FBXO28: variants seen among roughly 807,000 people sequenced by gnomAD.
FBXO28 encodes F-box only protein 28.
In FBXO28, 8 loss-of-function variants were observed where a neutral mutation model predicts 38.1. The ratio of observed to expected loss-of-function variants is 0.21; its 90% CI spans 0.12 to 0.38. The LOEUF is 0.38. Ranked by LOEUF, FBXO28 falls within the 10% of genes least tolerant of loss-of-function variation. The probability of loss-of-function intolerance (pLI) is 1.00; values close to 1 mark genes in which losing one functional copy is unlikely to be tolerated. For synonymous variants in FBXO28, 168 were observed against 173.8 expected (o/e 0.97, Z 0.26); for missense variants, 345 against 460.6 (o/e 0.75, Z 2.30).
chr1:224,130,377 T>C, intron 1 of FBXO28, 95 bp from the exon 2 acceptor site: 1 of 766,412 alleles, frequency 1.3e-6, no homozygotes, highest in Non-Finnish European at 2.2e-6. Context: ...TGAGGAATAA[T>C]AGTGGGATAC....
Position 224,129,833 on chromosome 1 carries a change from C to CA in FBXO28, c.268-632dup, listed in dbSNP as rs1280599927. 3.3e-5 allele frequency among the ~76,000 whole-genome samples: 5 copies of CA among 151,982 alleles called. No individual in the cohort carries two copies. In the South Asian group the frequency reaches 1.0e-3, roughly 32 times the overall value. ...TGAAACCCCGTCTCTACTAAAAATA[C>CA]AAAAAAATTAGCCGGGCGTGGTGGC... On this transcript the variant is annotated intron_variant, in intron 1 of 4. Coordinates refer to ENST00000366862, the MANE Select transcript of FBXO28 (RefSeq NM_015176.4).
chr1:224,143,695 G>A (rs1049144761), intron 3 of FBXO28, among the ~76,000 whole-genome samples: 1 of 152,138 alleles, frequency 6.6e-6, no homozygotes, highest in East Asian at 1.9e-4. Context: ...AATTAGCCAG[G>A]CGTGATGGCG....
chr1:224,117,860 T>C (rs1656677495), intron 1 of FBXO28, among the ~76,000 whole-genome samples: 3 of 151,844 alleles, frequency 2.0e-5, no homozygotes, highest in Admixed American at 2.0e-4. Context: ...ATATAAAAAA[T>C]TAGCCAGGCG....
chr1:224,148,073 A>G (rs941936379), intron 3 of FBXO28, among the ~76,000 whole-genome samples: 3 of 152,188 alleles, frequency 2.0e-5, no homozygotes, highest in Non-Finnish European at 2.9e-5. Flanking sequence ...CATTTGACTA[A>G]AATAATCTCT....
chr1:224,127,212 A>G (rs897342505), intron 1 of FBXO28, among the ~76,000 whole-genome samples: 39 of 140,822 alleles, frequency 2.8e-4, no homozygotes, highest in African/African-American at 8.8e-4. Context: ...GTGTGTGTTT[A>G]TGTTTGGCAC....
At chr1:224,136,276 C>A (rs549575089) in intron 3 of FBXO28, among the ~76,000 whole-genome samples, 1 of 151,790 alleles carries the variant, frequency 6.6e-6, no homozygotes, top group Admixed American at 6.6e-5. Context: ...CACATCCTGT[C>A]TGCAAAATAT....
At chr1:224,119,291 G>T (rs1210742185) in intron 1 of FBXO28, among the ~76,000 whole-genome samples, 1 of 150,654 alleles carries the variant, frequency 6.6e-6, no homozygotes, top group Non-Finnish European at 1.5e-5. Context: ...CTGCCACCAC[G>T]CCCGGCTAAT....
At chr1:224,154,670 C>T (rs1453820728) in intron 4 of FBXO28, among the ~76,000 whole-genome samples, 2 of 151,942 alleles carry the variant, frequency 1.3e-5, no homozygotes, top group African/African-American at 4.8e-5. Flanking sequence ...TAGCTGGGCG[C>T]GGTGGTGGGT....
At chr1:224,130,741 C>T (rs867455854) in intron 2 of FBXO28, 160 bp downstream of exon 2, 9 of 512,624 alleles carry the variant, frequency 1.8e-5, no homozygotes, top group Admixed American at 7.0e-5. Flanking sequence ...CCATTCTCAC[C>T]GTTTGTGATC....
chr1:224,129,864 C>T (rs886851246), intron 1 of FBXO28, among the ~76,000 whole-genome samples: 3 of 152,174 alleles, frequency 2.0e-5, no homozygotes, highest in Non-Finnish European at 4.4e-5. Flanking sequence ...GTGGCGGGCA[C>T]CTGTAGTGCC....
chr1:224,146,066 C>CA (rs577982501), intron 3 of FBXO28, among the ~76,000 whole-genome samples: 3,559 of 106,356 alleles, frequency 0.033, 128 homozygotes, highest in African/African-American at 0.093. Flanking sequence ...AACTCCTTCT[C>CA]AAAAAAAAAA....
intron 3 of FBXO28, among the ~76,000 whole-genome samples, chr1:224,152,925 CAAAAAAA>C (rs57616453): frequency 1.6e-3 from 101 of 64,918 alleles, no homozygotes; most frequent in African/African-American, 6.0e-3. Flanking sequence ...AACTCTGTCT[CAAAAAAA>C]AAAAAAAAAA....
chr1:224,114,887 A>G (rs967838824), intron 1 of FBXO28, among the ~76,000 whole-genome samples: 36 of 152,268 alleles, frequency 2.4e-4, no homozygotes, highest in African/African-American at 8.4e-4. Context: ...CTTGTTCGAG[A>G]AGATTGAGTA....
Position 224,114,134 on chromosome 1 carries a change from C to G in FBXO28, c.5C>G (p.Ala2Gly). 6.5e-7 allele frequency: 1 copy of G among 1,538,328 alleles called. No homozygotes were observed. The highest frequency in any genetic ancestry group is 8.8e-7 in the Non-Finnish European group (1 of 1,141,362). M[A>G]AAAEERMAEE... Reference sequence around the variant, plus strand: ...GTAAGGAATCAAGCCCCCAAGATGGCGGCAGCGGCGGAGGAGCGGATGGCA... The same window carrying G: ...GTAAGGAATCAAGCCCCCAAGATGGGGGCAGCGGCGGAGGAGCGGATGGCA... The change falls in exon 1 of 5, where the codon GCG becomes GGG. Residue 2 changes from alanine to glycine, a missense_variant. This residue lies in a region of FBXO28 where 104 missense variants were observed against 82.0 expected (regional missense o/e 1.27). Coordinates refer to ENST00000366862, the MANE Select transcript of FBXO28 (RefSeq NM_015176.4).
Position 224,158,270 on chromosome 1 carries a change from A to T in FBXO28, c.*524A>T. On this transcript the variant is annotated 3_prime_UTR_variant, in exon 5 of 5. Coordinates refer to ENST00000366862, the MANE Select transcript of FBXO28 (RefSeq NM_015176.4). The stretch of plus-strand genomic sequence containing the variant: ...GGTATTGAAGTAATGGGTAACTAAA[A>T]TGGACTTCCATAGTATTGACTGTAG... 2 of 958,288 alleles carry T rather than the reference A, an allele frequency of 2.1e-6. No homozygotes were observed. Among genetic ancestry groups the T allele is most frequent in the Non-Finnish European group, 2.5e-6 (2 of 804,906 alleles). The allele number at this position is 958,288 out of a possible 1,614,324, so 59.4% of individuals were successfully genotyped here. A position where few individuals can be genotyped will look rare whatever the true frequency, so the allele number is the denominator to read the frequency against.
intron 1 of FBXO28, among the ~76,000 whole-genome samples, chr1:224,129,200 C>T (rs749384130): frequency 6.6e-6 from 1 of 151,954 alleles, no homozygotes; most frequent in Non-Finnish European, 1.5e-5. Context: ...ATTAGCTGGG[C>T]GTGGTGGCAC....
rs1024541881 is a variant in FBXO28, at chr1:224,159,620, T to C, written c.*1874T>C. On this transcript the variant is annotated 3_prime_UTR_variant, in exon 5 of 5. Coordinates refer to ENST00000366862, the MANE Select transcript of FBXO28 (RefSeq NM_015176.4). ...TCAGCACTTCTCATTTTTATAATCATAGTATTTAGCCATATTAGCATATCT... is the reference window on the plus strand; with the variant it reads ...TCAGCACTTCTCATTTTTATAATCACAGTATTTAGCCATATTAGCATATCT... 1 of 152,464 alleles carries C rather than the reference T, an allele frequency of 6.6e-6. No homozygotes were observed. Among genetic ancestry groups the C allele is most frequent in the African/African-American group, 2.4e-5 (1 of 41,446 alleles). The allele number at this position is 152,464 out of a possible 1,614,324, so 9.4% of individuals were successfully genotyped here. A position where few individuals can be genotyped will look rare whatever the true frequency, so the allele number is the denominator to read the frequency against.
At chr1:224,152,551 G>T (rs1657671288) in intron 3 of FBXO28, among the ~76,000 whole-genome samples, 1 of 152,130 alleles carries the variant, frequency 6.6e-6, no homozygotes. Context: ...TTCCTTCAGG[G>T]TTAGAAGCTT....
intron 4 of FBXO28, among the ~76,000 whole-genome samples, chr1:224,157,017 T>A (rs995728241): frequency 3.1e-4 from 34 of 109,008 alleles, no homozygotes; most frequent in Non-Finnish European, 1.4e-4. Flanking sequence ...AAAAAAAAAA[T>A]TATTATTTTC....
Sources: allele counts gnomAD v4.1 joint callset (sites outside exome capture counted in the v4.1 genomes callset), GRCh38; gene constraint gnomAD v4.1.1; regional missense constraint gnomAD v4.1.1; transcripts MANE v1.5; gene names NCBI Gene and HGNC (gene_info 2026-07-23, HGNC 2026-07-21).